SARNP: variants seen among roughly 807,000 people sequenced by gnomAD.
SARNP encodes SAP domain containing ribonucleoprotein.
SARNP carries 5 observed loss-of-function variants against 38.1 expected under a neutral mutation model. The observed-to-expected ratio is 0.13, with a 90% CI of 0.07 to 0.28. The LOEUF is 0.28. SARNP is among the 10% of genes least tolerant of loss of function. The pLI, the probability that SARNP is intolerant of heterozygous loss-of-function variation, is 1.00. For missense variants in SARNP, 180 were observed against 243.9 expected (o/e 0.74, Z 1.75); for synonymous variants, 84 against 80.6 (o/e 1.04, Z -0.23).
chr12:55,777,175 TCA>T (rs1049965011), intron 9 of SARNP, among the ~76,000 whole-genome samples: 1 of 152,078 alleles, frequency 6.6e-6, no homozygotes, highest in African/African-American at 2.4e-5. Context: ...ATGAATGAAA[TCA>T]GAGAGAAATA....
chr12:55,804,013 T>C (rs1880062255), intron 1 of SARNP, among the ~76,000 whole-genome samples: 1 of 152,214 alleles, frequency 6.6e-6, no homozygotes, highest in African/African-American at 2.4e-5. Context: ...CTCTAGTTAT[T>C]TCTAAATATT....
intron 10 of SARNP, among the ~76,000 whole-genome samples, chr12:55,759,071 G>A (rs1878598728): frequency 6.6e-6 from 1 of 151,776 alleles, no homozygotes; most frequent in Admixed American, 6.6e-5. Context: ...TAGTAGAGAT[G>A]AGGTCTCACT....
At chr12:55,813,061 T>C (rs1198537108) in intron 1 of SARNP, among the ~76,000 whole-genome samples, 4 of 152,102 alleles carry the variant, frequency 2.6e-5, no homozygotes, top group Admixed American at 2.6e-4. Flanking sequence ...TTCTCCTGTC[T>C]CAGCCTCCCG....
chr12:55,809,962 G>A (rs1038395291), intron 1 of SARNP, among the ~76,000 whole-genome samples: 1 of 152,160 alleles, frequency 6.6e-6, no homozygotes, highest in African/African-American at 2.4e-5. Flanking sequence ...TTGTGAACTT[G>A]TGCATGATTA....
chr12:55,781,175 A>G (rs1879329119), intron 9 of SARNP, among the ~76,000 whole-genome samples: 1 of 152,208 alleles, frequency 6.6e-6, no homozygotes, highest in Admixed American at 6.5e-5. Flanking sequence ...CTACAATGAA[A>G]TCTGTATGCT....
chr12:55,806,275 A>AATT, intron 1 of SARNP, among the ~76,000 whole-genome samples: 1 of 142,850 alleles, frequency 7.0e-6, no homozygotes, highest in Admixed American at 7.0e-5. Flanking sequence ...ATTAAAAAAA[A>AATT]TTTTTTTTTT....
At chr12:55,765,293 A>C (rs1229015808) in intron 9 of SARNP, among the ~76,000 whole-genome samples, 1 of 152,048 alleles carries the variant, frequency 6.6e-6, no homozygotes, top group Admixed American at 6.5e-5. Flanking sequence ...CTGGTTCTTT[A>C]TTTGGCTATA....
At chr12:55,785,190 A>G (rs1879454547) in intron 9 of SARNP, among the ~76,000 whole-genome samples, 1 of 152,222 alleles carries the variant, frequency 6.6e-6, no homozygotes, top group Non-Finnish European at 1.5e-5. Flanking sequence ...GCACATATGC[A>G]AATAAAAAAA....
intron 1 of SARNP, among the ~76,000 whole-genome samples, chr12:55,817,122 T>G (rs568700725): frequency 6.6e-6 from 1 of 152,314 alleles, no homozygotes; most frequent in East Asian, 1.9e-4. Flanking sequence ...ACCGATCTTC[T>G]GAGAGGCCTC....
In SARNP at chr12:55,794,357, A is replaced by C; in HGVS notation, c.406+2T>G. 1.9e-6 allele frequency: 3 copies of C among 1,608,490 alleles called. No homozygotes were observed. The highest frequency in any genetic ancestry group is 2.5e-6 in the Non-Finnish European group (3 of 1,177,850). ...TTCTCAGAAGTATCTCTGTACTCTT[A>C]CCTTTTGTTGGAACTGAAGAAATCC... On this transcript the variant is annotated splice_donor_variant, in intron 7 of 10. Transcript: ENST00000336133. LOFTEE classifies it high-confidence loss of function.
chr12:55,774,052 T>C (rs1468545098), intron 9 of SARNP, among the ~76,000 whole-genome samples: 1 of 152,092 alleles, frequency 6.6e-6, no homozygotes, highest in East Asian at 1.9e-4. Flanking sequence ...TCACCCAGGC[T>C]GGAGTGCAGT....
chr12:55,781,097 A>C (rs1265383442), intron 9 of SARNP, among the ~76,000 whole-genome samples: 2 of 152,234 alleles, frequency 1.3e-5, no homozygotes, highest in Non-Finnish European at 2.9e-5. Flanking sequence ...TGGTGGGAGA[A>C]TAGAAGACAG....
Position 55,817,714 on chromosome 12 carries a change from C to G in SARNP, c.-13G>C, listed in dbSNP as rs372156516. 92 of 1,612,344 alleles carry G rather than the reference C, an allele frequency of 5.7e-5. No individual in the cohort carries two copies. The Middle Eastern group carries it at 6.6e-4, about 12-fold the overall frequency. On this transcript the variant is annotated 5_prime_UTR_variant, in exon 1 of 11. Transcript: ENST00000336133. ...TCTCGGTCGCCATCTTGTTACCCCT[C>G]ACTCCACTAGGCCCCCACCCGCGGC...
At chr12:55,756,237 A>C (rs1261047076), downstream of SARNP, 1 of 152,220 alleles carries the variant, frequency 6.6e-6, no homozygotes, top group African/African-American at 2.4e-5. Flanking sequence ...TCAAAAATTT[A>C]ACCAGCATTC....
chr12:55,794,241 T>A, intron 7 of SARNP, 118 bp downstream of exon 7: 1 of 889,882 alleles, frequency 1.1e-6, no homozygotes, highest in Non-Finnish European at 1.8e-6. Context: ...AATGTTACAA[T>A]CTCTTAAAGA....
At chr12:55,813,933 A>G (rs1880407368) in intron 1 of SARNP, among the ~76,000 whole-genome samples, 2 of 152,172 alleles carry the variant, frequency 1.3e-5, no homozygotes. Context: ...TCTTATTTTC[A>G]AATGAGGATA....
intron 1 of SARNP, among the ~76,000 whole-genome samples, chr12:55,814,683 AC>A (rs2136210279): frequency 6.6e-6 from 1 of 152,292 alleles, no homozygotes; most frequent in South Asian, 2.1e-4. Flanking sequence ...CGGACCAATA[AC>A]ATGGTGAAAC....
At chr12:55,816,489 A>AACT (rs1880489335) in intron 1 of SARNP, among the ~76,000 whole-genome samples, 1 of 152,224 alleles carries the variant, frequency 6.6e-6, no homozygotes, top group Non-Finnish European at 1.5e-5. Flanking sequence ...TCCAAGAGTA[A>AACT]GAAAAACATC....
At chr12:55,760,857 A>G (rs955696432) in intron 9 of SARNP, 2 of 496,218 alleles carry the variant, frequency 4.0e-6, no homozygotes, top group African/African-American at 3.8e-5. Flanking sequence ...GCAGGGCCTC[A>G]ATACTCATAA....
Sources: gnomAD v4.1 joint callset for allele counts (sites outside exome capture counted in the v4.1 genomes callset) on GRCh38, gnomAD v4.1.1 for gene constraint, MANE v1.5 for transcripts, NCBI Gene and HGNC (gene_info 2026-07-23, HGNC 2026-07-21) for gene names.